MSRB3: variants seen among roughly 807,000 people sequenced by gnomAD.
MSRB3 encodes the protein methionine sulfoxide reductase B3, also known as methionine-R-sulfoxide reductase B3.
Under a neutral mutation model 21.0 loss-of-function variants are expected in MSRB3, and 13 were observed. The ratio of observed to expected loss-of-function variants is 0.62; its 90% CI spans 0.40 to 0.98. The LOEUF is 0.98. Among genes scored for constraint, MSRB3 ranks in the 50% least tolerant of loss-of-function variants. The pLI, the probability that MSRB3 is intolerant of heterozygous loss-of-function variation, is 0.00. For synonymous variants in MSRB3, 87 were observed against 88.6 expected (o/e 0.98, Z 0.10); for missense variants, 199 against 230.3 (o/e 0.86, Z 0.88).
chr12:65,374,349 C>T (rs1878484266), intron 5 of MSRB3, among the ~76,000 whole-genome samples: 1 of 152,106 alleles, frequency 6.6e-6, no homozygotes, highest in African/African-American at 2.4e-5. Flanking sequence ...ATACCATATG[C>T]CAGATGTTGA....
chr12:65,458,214 TC>T (rs111736441), intron 6 of MSRB3, among the ~76,000 whole-genome samples: 3,507 of 152,278 alleles, frequency 0.023, 143 homozygotes, highest in African/African-American at 0.081. Flanking sequence ...ATTTCATTGT[TC>T]TTTTGGTTCC....
At chr12:65,308,447 T>C in intron 1 of MSRB3, 82 bp from the exon 2 acceptor site, 1 of 1,531,824 alleles carries the variant, frequency 6.5e-7, no homozygotes, top group Non-Finnish European at 8.8e-7. Context: ...GATAAAACTG[T>C]AACCATCAGT....
chr12:65,415,993 G>A (rs1360904597), intron 5 of MSRB3, among the ~76,000 whole-genome samples: 1 of 152,224 alleles, frequency 6.6e-6, no homozygotes, highest in Non-Finnish European at 1.5e-5. Context: ...AGCACTATTT[G>A]TGTGTGTGCT....
chr12:65,315,268 A>C (rs1033165646), intron 2 of MSRB3, among the ~76,000 whole-genome samples: 3 of 152,204 alleles, frequency 2.0e-5, no homozygotes, highest in Non-Finnish European at 4.4e-5. Context: ...TTTACTTGAA[A>C]ATTTTAAATC....
intron 6 of MSRB3, among the ~76,000 whole-genome samples, chr12:65,460,736 CTTTTTTTT>C (rs869050828): frequency 7.5e-6 from 1 of 132,972 alleles, no homozygotes; most frequent in Admixed American, 7.6e-5. Context: ...CTCTTCCTCA[CTTTTTTTT>C]TTTTTTTTTG....
chr12:65,328,384 C>G, intron 3 of MSRB3, 142 bp from the exon 4 acceptor site: 1 of 645,318 alleles, frequency 1.5e-6, no homozygotes, highest in East Asian at 2.8e-5. Context: ...TAGTAAAGTT[C>G]AGATTTCCAT....
At chr12:65,402,187 A>T (rs1220317605) in intron 5 of MSRB3, among the ~76,000 whole-genome samples, 1 of 152,090 alleles carries the variant, frequency 6.6e-6, no homozygotes, top group Non-Finnish European at 1.5e-5. Flanking sequence ...GTTCTCCTGG[A>T]TATTTTCCTG....
chr12:65,346,800 A>G (rs1876543740), intron 4 of MSRB3, among the ~76,000 whole-genome samples: 1 of 152,158 alleles, frequency 6.6e-6, no homozygotes, highest in Non-Finnish European at 1.5e-5. Context: ...AGCTTTCTAC[A>G]TATGGCTAGC....
chr12:65,308,448 A>G, intron 1 of MSRB3, 81 bp from the exon 2 acceptor site: 1 of 1,534,838 alleles, frequency 6.5e-7, no homozygotes, highest in Admixed American at 1.9e-5. Flanking sequence ...ATAAAACTGT[A>G]ACCATCAGTT....
chr12:65,377,782 G>T (rs1383709315), intron 5 of MSRB3, among the ~76,000 whole-genome samples: 1 of 152,176 alleles, frequency 6.6e-6, no homozygotes, highest in African/African-American at 2.4e-5. Context: ...CAATTTCCAG[G>T]CCCTTTGCAT....
intron 4 of MSRB3, among the ~76,000 whole-genome samples, chr12:65,339,677 A>C (rs1876014171): frequency 6.6e-6 from 1 of 152,206 alleles, no homozygotes; most frequent in Non-Finnish European, 1.5e-5. Context: ...AATTCATTTA[A>C]TTATAAATTT....
At position 65,278,711 on chromosome 12, in the gene MSRB3, G is replaced by A; in HGVS notation, c.-206G>A. On this transcript the variant is annotated 5_prime_UTR_variant, in exon 1 of 7. Coordinates refer to ENST00000308259, the MANE Select transcript of MSRB3 (RefSeq NM_001031679.3). ...CCTCCCGCCGCCCCGTCCGTCGCCCGGAGCCGGGGAGGGAGGGAGCGAGGT... is the reference window on the plus strand; with the variant it reads ...CCTCCCGCCGCCCCGTCCGTCGCCCAGAGCCGGGGAGGGAGGGAGCGAGGT... 1.4e-6 allele frequency: 2 copies of A among 1,471,510 alleles called. No homozygotes were observed. The highest frequency in any genetic ancestry group is 1.4e-5 in the African/African-American group (1 of 71,986). The allele number at this position is 1,471,510 out of a possible 1,614,324, so 91.2% of individuals were successfully genotyped here. A position where few individuals can be genotyped will look rare whatever the true frequency, so the allele number is the denominator to read the frequency against.
intron 5 of MSRB3, among the ~76,000 whole-genome samples, chr12:65,382,183 G>A (rs991288100): frequency 2.0e-5 from 3 of 151,994 alleles, no homozygotes; most frequent in Non-Finnish European, 2.9e-5. Context: ...GATGGTGAGA[G>A]ATAAAAGAGA....
At chr12:65,440,339 T>C (rs1017637123) in intron 5 of MSRB3, among the ~76,000 whole-genome samples, 2 of 151,746 alleles carry the variant, frequency 1.3e-5, no homozygotes, top group Non-Finnish European at 2.9e-5. Flanking sequence ...CAAAGTCAAA[T>C]ACAGTAACAA....
chr12:65,380,374 C>T (rs1030660241), intron 5 of MSRB3, among the ~76,000 whole-genome samples: 4 of 151,950 alleles, frequency 2.6e-5, no homozygotes, highest in Non-Finnish European at 4.4e-5. Context: ...TACAGGAGTT[C>T]GAAACAGCCT....
intron 5 of MSRB3, among the ~76,000 whole-genome samples, chr12:65,386,055 A>G (rs1258248822): frequency 1.3e-5 from 2 of 151,956 alleles, no homozygotes; most frequent in African/African-American, 4.8e-5. Context: ...CTACTTACTT[A>G]AAAATCATTT....
At chr12:65,398,833 A>G (rs1297572534) in intron 5 of MSRB3, among the ~76,000 whole-genome samples, 2 of 152,144 alleles carry the variant, frequency 1.3e-5, no homozygotes, top group Non-Finnish European at 2.9e-5. Context: ...ATGGCTACCC[A>G]GTTTTCCCAA....
At chr12:65,455,180 TTTAC>T (rs2136705600) in intron 6 of MSRB3, among the ~76,000 whole-genome samples, 1 of 151,736 alleles carries the variant, frequency 6.6e-6, no homozygotes, top group South Asian at 2.1e-4. Context: ...AGGTGGCATA[TTTAC>T]TACCAAGTAG....
intron 4 of MSRB3, among the ~76,000 whole-genome samples, chr12:65,353,718 C>T (rs1426231616): frequency 6.6e-6 from 1 of 152,122 alleles, no homozygotes; most frequent in Non-Finnish European, 1.5e-5. Context: ...GCATTTAGCC[C>T]ATTTACATTT....
Sources: allele counts gnomAD v4.1 joint callset (sites outside exome capture counted in the v4.1 genomes callset), GRCh38; gene constraint gnomAD v4.1.1; transcripts MANE v1.5; gene names NCBI Gene and HGNC (gene_info 2026-07-23, HGNC 2026-07-21).